Variants in RNF149 observed in about 807,000 individuals in gnomAD.
The protein encoded by RNF149 is E3 ubiquitin-protein ligase RNF149.
RNF149 carries 21 observed loss-of-function variants against 39.0 expected under a neutral mutation model. The ratio of observed to expected loss-of-function variants is 0.54; its 90% confidence interval spans 0.38 to 0.77. The LOEUF is 0.77. Among genes scored for constraint, RNF149 ranks in the 30% least tolerant of loss-of-function variants. The pLI, the probability that RNF149 is intolerant of heterozygous loss-of-function variation, is 0.00. For missense variants in RNF149, 493 were observed against 534.9 expected (o/e 0.92, Z 0.77); for synonymous variants, 209 against 213.6 (o/e 0.98, Z 0.19).
At chr2:101,304,437 T>C (rs1167021801) in intron 1 of RNF149, among the ~76,000 whole-genome samples, 2 of 152,064 alleles carry the variant, frequency 1.3e-5, no homozygotes, top group Non-Finnish European at 2.9e-5. Flanking sequence ...CCCTTTTCTT[T>C]ATGCTTCCTA....
Position 101,308,370 on chromosome 2 carries a change from C to T in RNF149, c.219G>A (p.Ala73=). ...RFGDSSPKEG[A]HGLVGVPWAP... The stretch of plus-strand genomic sequence containing the variant: ...CCCACGGGACGCCCACCAGGCCATG[C>T]GCGCCCTCCTTGGGCGAGCTGTCGC... The change falls in exon 1 of 7, where the codon GCG becomes GCA. Residue 73 remains alanine (A), a synonymous_variant. Transcript: ENST00000295317. 6.2e-7 allele frequency: 1 copy of T among 1,607,002 alleles called. No homozygotes were observed.
chr2:101,300,333 T>A (rs1417276983), intron 1 of RNF149, among the ~76,000 whole-genome samples: 1 of 152,048 alleles, frequency 6.6e-6, no homozygotes, highest in Non-Finnish European at 1.5e-5. Flanking sequence ...AGACAGAAGA[T>A]TAACTGAGAT....
intron 6 of RNF149, among the ~76,000 whole-genome samples, chr2:101,280,592 C>T (rs2104388623): frequency 6.6e-6 from 1 of 152,160 alleles, no homozygotes; most frequent in Admixed American, 6.5e-5. Context: ...GGAAACTAAA[C>T]TACATAATTT....
chr2:101,286,059 T>C (rs1170053694), intron 5 of RNF149, 22 bp downstream of exon 5: 1 of 1,425,336 alleles, frequency 7.0e-7, no homozygotes, highest in East Asian at 2.3e-5. Flanking sequence ...AGAGATTGAA[T>C]ATAAACAAAA....
Position 101,276,580 on chromosome 2 carries a change from C to T in RNF149, c.*658G>A, listed in dbSNP as rs1485549228. The T allele has an allele frequency of 2.0e-6, 2 of 985,452 alleles. No individual in the cohort carries two copies. The highest frequency in any genetic ancestry group is 2.4e-6 in the Non-Finnish European group (2 of 829,864). The allele number at this position is 985,452 out of a possible 1,614,324, so 61.0% of individuals were successfully genotyped here. On this transcript the variant is annotated 3_prime_UTR_variant, in exon 7 of 7. Transcript: ENST00000295317. ...CTTTTTATTTGTAGGAAAAAATAAACAGATTTCCCTCCCCAACAAGGCGTC... is the reference window on the plus strand; with the variant it reads ...CTTTTTATTTGTAGGAAAAAATAAATAGATTTCCCTCCCCAACAAGGCGTC...
rs1683790226 is a variant in RNF149 at position 101,308,677 on chromosome 2, C to CG, written c.-90dup. 6 of 1,235,704 alleles carry CG rather than the reference C, an allele frequency of 4.9e-6. No homozygotes were observed. Among genetic ancestry groups the CG allele is most frequent in the African/African-American group, 4.8e-5 (3 of 61,904 alleles). 76.5% of individuals were successfully genotyped at this position (1,235,704 alleles called of 1,614,324 possible). A position where few individuals can be genotyped will look rare whatever the true frequency, so the allele number is the denominator to read the frequency against. Reference sequence around the variant, plus strand: ...GCAGAGAGAAGCGGACACCCACCGCCGCCCTGGAAGACTGAGGCGGGGTCG... The same window carrying CG: ...GCAGAGAGAAGCGGACACCCACCGCCGGCCCTGGAAGACTGAGGCGGGGTCG... On this transcript the variant is annotated 5_prime_UTR_variant, in exon 1 of 7. Coordinates refer to ENST00000295317, the MANE Select transcript of RNF149 (RefSeq NM_173647.4).
rs191133576 is a variant in RNF149 at position 101,296,801 on chromosome 2, C to T, written c.461-1620G>A. On this transcript the variant is annotated intron_variant, in intron 1 of 6. Coordinates refer to ENST00000295317, the MANE Select transcript of RNF149 (RefSeq NM_173647.4). ...ATGGGAATCAAAAAATACATATTGA[C>T]GAAAAACTTCTCCAAGTATAAAAAC... Among the ~76,000 whole-genome samples, 18 of 151,974 alleles carry T rather than the reference C, an allele frequency of 1.2e-4. No individual in the cohort carries two copies. The East Asian group carries it at 2.9e-3, about 24-fold the overall frequency.
intron 1 of RNF149, among the ~76,000 whole-genome samples, chr2:101,297,787 A>G (rs539872908): frequency 6.6e-6 from 1 of 152,310 alleles, no homozygotes; most frequent in East Asian, 1.9e-4. Flanking sequence ...CATCATCACT[A>G]TCTAATTCCA....
intron 1 of RNF149, chr2:101,307,828 G>C (rs955089458): frequency 1.0e-6 from 1 of 985,276 alleles, no homozygotes; most frequent in Non-Finnish European, 1.2e-6. Context: ...TAGGAATCAT[G>C]AGATTTCCTC....
intron 1 of RNF149, among the ~76,000 whole-genome samples, chr2:101,296,558 T>C (rs1016064250): frequency 6.6e-6 from 1 of 152,042 alleles, no homozygotes; most frequent in Non-Finnish European, 1.5e-5. Flanking sequence ...TAGACCCAAA[T>C]ACATGAAAGA....
intron 5 of RNF149, among the ~76,000 whole-genome samples, chr2:101,285,532 T>C (rs1229154785): frequency 6.6e-6 from 1 of 152,220 alleles, no homozygotes; most frequent in Non-Finnish European, 1.5e-5. Context: ...GTTCAGCATG[T>C]GGCTAGCTAC....
At position 101,308,328 on chromosome 2, in the gene RNF149, G is replaced by T. The variant is rs368241605; in HGVS notation, c.261C>A (p.Leu87=). The part of the protein sequence containing the change: ...VGVPWAPGGD[L]EGCAPDTRFF... ...AGCGCGTGTCGGGCGCGCAGCCCTC[G>T]AGGTCTCCGCCGGGCGCCCACGGGA... The change falls in exon 1 of 7, where the codon CTC becomes CTA. Residue 87 remains leucine (L), a synonymous_variant. Transcript: ENST00000295317. The T allele has an allele frequency of 2.2e-4, 351 of 1,594,982 alleles. No individual in the cohort carries two copies. Among genetic ancestry groups the T allele is most frequent in the Non-Finnish European group, 2.8e-4 (333 of 1,173,702 alleles).
intron 1 of RNF149, among the ~76,000 whole-genome samples, chr2:101,301,211 C>A (rs530252992): frequency 2.0e-5 from 3 of 150,420 alleles, no homozygotes; most frequent in South Asian, 4.2e-4. Flanking sequence ...GGCATTAAGA[C>A]AGGAAAATTT....
chr2:101,285,744 AG>A (rs1384245123), intron 5 of RNF149, among the ~76,000 whole-genome samples: 1 of 152,210 alleles, frequency 6.6e-6, no homozygotes, highest in African/African-American at 2.4e-5. Context: ...ACAACCTATG[AG>A]GCTCCTTCCT....
At chr2:101,301,126 G>A (rs999060670) in intron 1 of RNF149, among the ~76,000 whole-genome samples, 2 of 151,952 alleles carry the variant, frequency 1.3e-5, no homozygotes, top group African/African-American at 2.4e-5. Flanking sequence ...AGGCCTTAAC[G>A]TTGTTACCAA....
chr2:101,271,968 G>A (rs1479446009), downstream of RNF149, among the ~76,000 whole-genome samples: 1 of 152,142 alleles, frequency 6.6e-6, no homozygotes, highest in Non-Finnish European at 1.5e-5. Flanking sequence ...GGAGAATGAT[G>A]GTCACATGTC....
intron 1 of RNF149, among the ~76,000 whole-genome samples, chr2:101,303,585 G>A (rs1284224838): frequency 6.6e-6 from 1 of 152,098 alleles, no homozygotes; most frequent in Non-Finnish European, 1.5e-5. Context: ...CTCTCTAGAG[G>A]TCAGGGATTT....
chr2:101,277,778 T>G (rs892353498), intron 6 of RNF149, among the ~76,000 whole-genome samples: 1 of 152,204 alleles, frequency 6.6e-6, no homozygotes, highest in Non-Finnish European at 1.5e-5. Context: ...ATCTTCATCA[T>G]ATGAGGAGTT....
At chr2:101,275,166 G>A (rs536744118), downstream of RNF149, among the ~76,000 whole-genome samples, 164 of 119,228 alleles carry the variant, frequency 1.4e-3, 1 homozygote, top group Admixed American at 0.015. Context: ...CGCCCAGGCT[G>A]GAGTGCAGTA....
Sources: allele counts gnomAD v4.1 joint callset (sites outside exome capture counted in the v4.1 genomes callset), GRCh38; gene constraint gnomAD v4.1.1; transcripts MANE v1.5; gene names NCBI Gene and HGNC (gene_info 2026-07-23, HGNC 2026-07-21).